Variants in POU6F1 observed in about 807,000 individuals in gnomAD.
POU6F1 encodes POU class 6 homeobox 1.
In POU6F1, 9 loss-of-function variants were observed where a neutral mutation model predicts 28.9. That is an observed-to-expected ratio of 0.31 (90% CI 0.19 to 0.54). POU6F1 has a LOEUF of 0.54. POU6F1 is among the 20% of genes least tolerant of loss of function. The probability of loss-of-function intolerance (pLI) is 0.94; values close to 1 mark genes in which losing one functional copy is unlikely to be tolerated. For synonymous variants in POU6F1, 173 were observed against 171.1 expected (o/e 1.01, Z -0.09); for missense variants, 338 against 426.1 (o/e 0.79, Z 1.82).
Position 51,199,687 on chromosome 12 carries a change from C to G in POU6F1, c.366+60G>C, listed in dbSNP as rs1943081782. The G allele has an allele frequency of 2.5e-6, 1 of 399,004 alleles. No homozygotes were observed. Among genetic ancestry groups the G allele is most frequent in the African/African-American group, 2.1e-5 (1 of 48,600 alleles). 24.7% of individuals were successfully genotyped at this position (399,004 alleles called of 1,614,324 possible). A position where few individuals can be genotyped will look rare whatever the true frequency, so the allele number is the denominator to read the frequency against. On this transcript the variant is annotated intron_variant, in intron 4 of 10. Transcript: ENST00000333640. The surrounding 1 kb of genome is among the most constrained non-coding windows in gnomAD (Gnocchi z 4.1). The stretch of plus-strand genomic sequence containing the variant: ...AGATTCCATGGCTTCCCCATGCTGG[C>G]TGTCCCATGCCTCGCTCCTGCCCCC...
intron 10 of POU6F1, among the ~76,000 whole-genome samples, chr12:51,191,130 A>G (rs61932889): frequency 0.04 from 6,150 of 152,214 alleles, 186 homozygotes; most frequent in South Asian, 0.089. Context: ...TTGAAACTCT[A>G]TCCCTCCTGG....
At chr12:51,216,905 G>A (rs1319061270) in intron 1 of POU6F1, among the ~76,000 whole-genome samples, 2 of 152,210 alleles carry the variant, frequency 1.3e-5, no homozygotes, top group African/African-American at 2.4e-5. Flanking sequence ...ATTCTGCCGC[G>A]AAAGTGGAGG....
chr12:51,208,766 G>A (rs760024601), intron 1 of POU6F1, among the ~76,000 whole-genome samples: 1 of 152,048 alleles, frequency 6.6e-6, no homozygotes, highest in Non-Finnish European at 1.5e-5. Flanking sequence ...GTGAAACCCC[G>A]TCTCTACAAA....
chr12:51,199,901 G>A lies in POU6F1; in HGVS notation c.245-33C>T. 2 of 399,424 alleles carry A rather than the reference G, an allele frequency of 5.0e-6. No homozygotes were observed. Among genetic ancestry groups the A allele is most frequent in the East Asian group, 3.6e-5 (1 of 28,090 alleles). 24.7% of individuals were successfully genotyped at this position (399,424 alleles called of 1,614,324 possible). On this transcript the variant is annotated intron_variant, in intron 3 of 10. Transcript: ENST00000333640. The surrounding 1 kb of genome is among the most constrained non-coding windows in gnomAD (Gnocchi z 4.1). ...AGGCATTGAGAGAAAGAAGGACAAG[G>A]AGTGAGCCTGACGTGAGTGGAGGGG... is the stretch of plus-strand genomic sequence containing the variant.
At chr12:51,207,667 C>G (rs1229872016) in intron 1 of POU6F1, 1 of 152,208 alleles carries the variant, frequency 6.6e-6, no homozygotes, top group East Asian at 1.9e-4. Flanking sequence ...AATTAAAGTA[C>G]AGAGTAGAGT....
At chr12:51,215,555 CAAAAAAA>C in intron 1 of POU6F1, among the ~76,000 whole-genome samples, 1 of 88,578 alleles carries the variant, frequency 1.1e-5, no homozygotes, top group East Asian at 3.3e-4. Flanking sequence ...AACCCTGTCT[CAAAAAAA>C]AAAAAAAAAA....
chr12:51,192,343 G>A lies in POU6F1; in HGVS notation c.1308C>T (p.Ser436=). The change falls in exon 9 of 11, where the codon AGC becomes AGT. Residue 436 remains serine, a synonymous_variant. Coordinates refer to ENST00000333640, the MANE Select transcript of POU6F1 (RefSeq NM_001330422.2). ...GGAGCCACTTACTGGACACCAACTG[G>A]CTGACGGTGGGGGTCTCTGAGCAGG... ...PITCSETPTV[S]QLVSKPHTPS... 1 of 1,614,124 alleles carries A rather than the reference G, an allele frequency of 6.2e-7. No homozygotes were observed. Among genetic ancestry groups the A allele is most frequent in the Non-Finnish European group, 8.5e-7 (1 of 1,180,018 alleles).
chr12:51,200,364 G>A (rs1196593477), intron 3 of POU6F1, among the ~76,000 whole-genome samples: 1 of 152,208 alleles, frequency 6.6e-6, no homozygotes, highest in Non-Finnish European at 1.5e-5. Context: ...AGTCCTGGAA[G>A]CAACAGTCCC....
intron 1 of POU6F1, among the ~76,000 whole-genome samples, chr12:51,211,488 A>G (rs1943984131): frequency 6.6e-6 from 1 of 152,166 alleles, no homozygotes; most frequent in African/African-American, 2.4e-5. Flanking sequence ...CACACCTACA[A>G]TCTCAATGCT....
chr12:51,217,353 C>T lies in POU6F1; in HGVS notation c.-48+289G>A, dbSNP rs1388825648. ...GGGGTTCCCCACCGGGTCCACCTGG[C>T]GGCCGCCCCCTCCGCTCCAGGTCCA... On this transcript the variant is annotated intron_variant, in intron 1 of 10. Coordinates refer to ENST00000333640, the MANE Select transcript of POU6F1 (RefSeq NM_001330422.2). This position sits in a 1 kb window ranked among gnomAD's most constrained non-coding sequence, Gnocchi z 5.3. 6.6e-6 allele frequency among the ~76,000 whole-genome samples: 1 copy of T among 152,096 alleles called. No individual in the cohort carries two copies. The highest frequency in any genetic ancestry group is 6.5e-5 in the Admixed American group (1 of 15,280).
chr12:51,190,027 A>T lies in POU6F1; in HGVS notation c.*220T>A. ...TCCTCTTCTTCGGAGTGACCAGCCCAGAGCCTGGAGCTCTCGTGTGGCCCC... is the reference window on the plus strand; with the variant it reads ...TCCTCTTCTTCGGAGTGACCAGCCCTGAGCCTGGAGCTCTCGTGTGGCCCC... On this transcript the variant is annotated 3_prime_UTR_variant, in exon 11 of 11. Transcript: ENST00000333640. The surrounding 1 kb of genome is among the most constrained non-coding windows in gnomAD (Gnocchi z 4.5). 1 of 782,620 alleles carries T rather than the reference A, an allele frequency of 1.3e-6. No individual in the cohort carries two copies. The highest frequency in any genetic ancestry group is 2.0e-6 in the Non-Finnish European group (1 of 512,790). 48.5% of individuals were successfully genotyped at this position (782,620 alleles called of 1,614,324 possible).
Position 51,191,511 on chromosome 12 carries a change from G to A in POU6F1, c.1490+85C>T. ...TGGAGCAAGGGGGCATATGGAAAAG[G>A]GGCCGGTGCTCAGGTTCCCATGAGT... On this transcript the variant is annotated intron_variant, in intron 10 of 10. Transcript: ENST00000333640. 3 of 1,478,512 alleles carry A rather than the reference G, an allele frequency of 2.0e-6. No individual in the cohort carries two copies. The South Asian group carries it at 3.8e-5, about 19-fold the overall frequency. 91.6% of individuals were successfully genotyped at this position (1,478,512 alleles called of 1,614,324 possible).
rs1178962796 is a variant in POU6F1 at position 51,196,134 on chromosome 12, C to T, written c.1015G>A (p.Val339Met). Residue 339 changes from valine (V) to methionine (M), a missense_variant, in exon 8 of 11, where the codon GTG becomes ATG. Physicochemically the swap from Val to Met is conservative, Grantham distance 21. Transcript: ENST00000333640. ...CTTTGGGCTGGTGCTGGGGCCGCCA[C>T]ACTAGCTGAGTTCACTACCCATGGA... ...TLPWVVNSAS[V>M]AAPAPAQSLQ... The T allele has an allele frequency of 1.3e-6, 2 of 1,566,952 alleles. No homozygotes were observed. Among genetic ancestry groups the T allele is most frequent in the African/African-American group, 1.4e-5 (1 of 73,762 alleles).
Position 51,190,652 on chromosome 12 carries a change from C to T in POU6F1, c.1491-60G>A. On this transcript the variant is annotated intron_variant, in intron 10 of 10. Coordinates refer to ENST00000333640, the MANE Select transcript of POU6F1 (RefSeq NM_001330422.2). The surrounding 1 kb of genome is among the most constrained non-coding windows in gnomAD (Gnocchi z 4.5). Reference sequence around the variant, plus strand: ...GAGCATGTTGGTCTCTTTGGCACACCCCGCACCTAGGTGCAGGCTCCATCC... The same window carrying T: ...GAGCATGTTGGTCTCTTTGGCACACTCCGCACCTAGGTGCAGGCTCCATCC... 2 of 1,572,334 alleles carry T rather than the reference C, an allele frequency of 1.3e-6. No individual in the cohort carries two copies. Among genetic ancestry groups the T allele is most frequent in the Non-Finnish European group, 8.6e-7 (1 of 1,161,238 alleles).
At chr12:51,203,782 C>T (rs1943383453) in intron 3 of POU6F1, among the ~76,000 whole-genome samples, 1 of 151,984 alleles carries the variant, frequency 6.6e-6, no homozygotes, top group African/African-American at 2.4e-5. Context: ...AGGCTTCCTG[C>T]AGAAGGAGAT....
rs1324840797 is a variant in POU6F1 at position 51,199,709 on chromosome 12, C to T, written c.366+38G>A. 5 of 399,054 alleles carry T rather than the reference C, an allele frequency of 1.3e-5. No individual in the cohort carries two copies. Among genetic ancestry groups the T allele is most frequent in the Non-Finnish European group, 2.2e-5 (5 of 226,206 alleles). The allele number at this position is 399,054 out of a possible 1,614,324, so 24.7% of individuals were successfully genotyped here. A position where few individuals can be genotyped will look rare whatever the true frequency, so the allele number is the denominator to read the frequency against. ...TGGCTGTCCCATGCCTCGCTCCTGCCCCCGGCCTTCTGTCCAGCTCCCGAG... is the reference window on the plus strand; with the variant it reads ...TGGCTGTCCCATGCCTCGCTCCTGCTCCCGGCCTTCTGTCCAGCTCCCGAG... On this transcript the variant is annotated intron_variant, in intron 4 of 10. Transcript: ENST00000333640. The surrounding 1 kb of genome is among the most constrained non-coding windows in gnomAD (Gnocchi z 4.1).
rs940484918 is a variant in POU6F1, at chr12:51,188,552, GTCC to G, written c.*1692_*1694del. ...GCGTGTGCTAATTCAGCACACAACT[GTCC>G]TCCTCTTACTGGCCAGGCTACCAAG... On this transcript the variant is annotated 3_prime_UTR_variant, in exon 11 of 11. Transcript: ENST00000333640. The G allele has an allele frequency of 9.8e-5, 15 of 152,456 alleles. No homozygotes were observed. Among genetic ancestry groups the G allele is most frequent in the African/African-American group, 3.4e-4 (14 of 41,596 alleles). 9.4% of individuals were successfully genotyped at this position (152,456 alleles called of 1,614,324 possible).
At chr12:51,195,241 C>A (rs755893794) in intron 8 of POU6F1, among the ~76,000 whole-genome samples, 41 of 152,156 alleles carry the variant, frequency 2.7e-4, no homozygotes, top group Admixed American at 5.9e-4. Context: ...CTCAAGCGAT[C>A]CTCCGCCTTA....
In POU6F1 at chr12:51,196,907, C is replaced by T; in HGVS notation, c.867G>A (p.Gly289=). Residue 289 remains glycine (G), a synonymous_variant, in exon 7 of 11, where the codon GGG becomes GGA. Coordinates refer to ENST00000333640, the MANE Select transcript of POU6F1 (RefSeq NM_001330422.2). Reference sequence around the variant, plus strand: ...GGGACCCCAGGATCTGGGTCTGTCCCCCGAGGGAAGCAGCACTGATCTGTG... The same window carrying T: ...GGGACCCCAGGATCTGGGTCTGTCCTCCGAGGGAAGCAGCACTGATCTGTG... ...SPGIISAASL[G]GQTQILGSLT... is the part of the protein sequence containing the mutation. 1.2e-6 allele frequency: 2 copies of T among 1,601,852 alleles called. No individual in the cohort carries two copies. The highest frequency in any genetic ancestry group is 2.2e-5 in the East Asian group (1 of 44,818).
Sources: gnomAD v4.1 joint callset for allele counts (sites outside exome capture counted in the v4.1 genomes callset) on GRCh38, gnomAD v4.1.1 for gene constraint, Gnocchi (gnomAD v3.1) non-coding constraint, MANE v1.5 for transcripts, NCBI Gene and HGNC (gene_info 2026-07-23, HGNC 2026-07-21) for gene names.